The following CDH12 variants were observed in gnomAD, a reference collection of about 807,000 sequenced individuals.
CDH12 encodes the protein cadherin-12.
CDH12 carries 41 observed loss-of-function variants against 74.1 expected under a neutral mutation model. The observed-to-expected ratio is 0.55, with a 90% CI of 0.43 to 0.72. The LOEUF (loss-of-function observed/expected upper bound fraction) is 0.72, where lower values mean the gene tolerates loss of function less well. CDH12 is among the 30% of genes least tolerant of loss of function. The pLI is 0.00. For synonymous variants in CDH12, 399 were observed against 355.0 expected (o/e 1.12, Z -1.39); for missense variants, 945 against 977.2 (o/e 0.97, Z 0.44).
intron 2 of CDH12, among the ~76,000 whole-genome samples, chr5:22,425,153 G>GTATATATATATATAAAAATATA (rs1743853895): frequency 1.1e-5 from 1 of 87,990 alleles, no homozygotes; most frequent in Non-Finnish European, 2.5e-5. Context: ...ATGTGTGTGT[G>GTATATATATATATAAAAATATA]TATATATATA....
intron 1 of CDH12, among the ~76,000 whole-genome samples, chr5:22,678,363 TAAC>T (rs1380645994): frequency 3.3e-5 from 5 of 152,024 alleles, no homozygotes; most frequent in Admixed American, 6.6e-5. Context: ...ATAATAAACT[TAAC>T]AATATCAATA....
intron 4 of CDH12, among the ~76,000 whole-genome samples, chr5:22,128,353 G>C (rs1018543105): frequency 2.0e-5 from 3 of 152,104 alleles, no homozygotes; most frequent in Non-Finnish European, 4.4e-5. Context: ...ACATAGTAGA[G>C]AGAACTTTTA....
At chr5:22,747,151 C>T (rs1345861009) in intron 1 of CDH12, among the ~76,000 whole-genome samples, 1 of 152,000 alleles carries the variant, frequency 6.6e-6, no homozygotes, top group Non-Finnish European at 1.5e-5. Flanking sequence ...CTAGAAATGT[C>T]ATGCCATGTA....
chr5:22,265,584 A>G (rs1753675373), intron 3 of CDH12, among the ~76,000 whole-genome samples: 1 of 152,298 alleles, frequency 6.6e-6, no homozygotes, highest in South Asian at 2.1e-4. Flanking sequence ...TAATCAATAT[A>G]TTCATTGAAG....
intron 4 of CDH12, among the ~76,000 whole-genome samples, chr5:22,188,592 AAACT>A (rs1421746542): frequency 6.6e-6 from 1 of 152,120 alleles, no homozygotes; most frequent in Non-Finnish European, 1.5e-5. Flanking sequence ...TAAATCTGAC[AAACT>A]GTCACCTACC....
chr5:22,194,308 C>CTTTTTTTTTTTTTTTCT (rs59899245), intron 4 of CDH12, among the ~76,000 whole-genome samples: 1 of 139,868 alleles, frequency 7.1e-6, no homozygotes, highest in Non-Finnish European at 1.5e-5. Context: ...CTTTTTCTTT[C>CTTTTTTTTTTTTTTTCT]TTTTTTTTTT....
At chr5:22,387,425 T>C (rs1233447596) in intron 3 of CDH12, among the ~76,000 whole-genome samples, 1 of 152,148 alleles carries the variant, frequency 6.6e-6, no homozygotes, top group African/African-American at 2.4e-5. Context: ...GTTAATAAAA[T>C]TTACTCCTGG....
intron 3 of CDH12, among the ~76,000 whole-genome samples, chr5:22,376,362 CA>C (rs138398408): frequency 0.043 from 6,465 of 149,526 alleles, 309 homozygotes; most frequent in African/African-American, 0.11. Flanking sequence ...CACTTAAATA[CA>C]AAAAAAAAGC....
chr5:22,768,812 C>A (rs1245389598), intron 1 of CDH12, among the ~76,000 whole-genome samples: 1 of 152,076 alleles, frequency 6.6e-6, no homozygotes, highest in South Asian at 2.1e-4. Context: ...ACTAAATAAT[C>A]TGACATCCTA....
intron 1 of CDH12, among the ~76,000 whole-genome samples, chr5:22,762,530 A>T (rs713377): frequency 0.49 from 74,479 of 151,736 alleles, 18,348 homozygotes; most frequent in East Asian, 0.56. Context: ...GCAGAAAGTT[A>T]TGTCATCAGC....
Position 21,860,948 on chromosome 5 carries a change from C to T in CDH12, c.527-6158G>A, listed in dbSNP as rs996723184. Among the ~76,000 whole-genome samples, 5 of 152,050 alleles carry T rather than the reference C, an allele frequency of 3.3e-5. No homozygotes were observed. In the South Asian group the frequency reaches 8.3e-4, roughly 25 times the overall value. ...AATAAACCCCCCTTCATACATACATCGATCCATTAGTTCTGTCCCTGTAGA... is the reference window on the plus strand; with the variant it reads ...AATAAACCCCCCTTCATACATACATTGATCCATTAGTTCTGTCCCTGTAGA... On this transcript the variant is annotated intron_variant, in intron 6 of 14. Transcript: ENST00000382254.
intron 3 of CDH12, among the ~76,000 whole-genome samples, chr5:22,220,627 TC>T (rs1193557674): frequency 6.6e-6 from 1 of 151,470 alleles, no homozygotes; most frequent in Non-Finnish European, 1.5e-5. Context: ...ATTTATCTCT[TC>T]TAATTCCAAT....
intron 1 of CDH12, among the ~76,000 whole-genome samples, chr5:22,781,666 T>G (rs1747390604): frequency 6.6e-6 from 1 of 152,182 alleles, no homozygotes; most frequent in African/African-American, 2.4e-5. Flanking sequence ...TTCTGTACTC[T>G]TTAGTCCAGA....
intron 3 of CDH12, among the ~76,000 whole-genome samples, chr5:22,252,360 A>G (rs1057104701): frequency 6.6e-6 from 1 of 151,708 alleles, no homozygotes; most frequent in Non-Finnish European, 1.5e-5. Flanking sequence ...TTGTGACATC[A>G]TTATGGATGC....
At chr5:22,017,905 A>G (rs1162319491) in intron 5 of CDH12, among the ~76,000 whole-genome samples, 1 of 151,892 alleles carries the variant, frequency 6.6e-6, no homozygotes, top group African/African-American at 2.4e-5. Flanking sequence ...GATTAAAGAC[A>G]TGCACCACCA....
intron 1 of CDH12, among the ~76,000 whole-genome samples, chr5:22,655,819 A>T (rs548507674): frequency 5.3e-5 from 8 of 152,332 alleles, no homozygotes; most frequent in Non-Finnish European, 1.2e-4. Flanking sequence ...CCATATGGGA[A>T]TCAGAATTTT....
intron 1 of CDH12, among the ~76,000 whole-genome samples, chr5:22,780,132 T>A (rs1159624084): frequency 6.6e-6 from 1 of 152,136 alleles, no homozygotes; most frequent in Non-Finnish European, 1.5e-5. Context: ...GTTTTTGCAA[T>A]CCCAGCACTT....
intron 5 of CDH12, among the ~76,000 whole-genome samples, chr5:22,026,347 C>T (rs1738351307): frequency 6.6e-6 from 1 of 152,006 alleles, no homozygotes; most frequent in African/African-American, 2.4e-5. Context: ...GAGAATGTAA[C>T]AAAAAAGAAA....
At chr5:22,339,646 G>A (rs1226473905) in intron 3 of CDH12, among the ~76,000 whole-genome samples, 1 of 152,070 alleles carries the variant, frequency 6.6e-6, no homozygotes, top group Non-Finnish European at 1.5e-5. Context: ...AACTACAAAA[G>A]GGATAATCTA....
Sources: gnomAD v4.1 joint callset for allele counts (sites outside exome capture counted in the v4.1 genomes callset) on GRCh38, gnomAD v4.1.1 for gene constraint, MANE v1.5 for transcripts, NCBI Gene and HGNC (gene_info 2026-07-23, HGNC 2026-07-21) for gene names.